Variants in ZNF570 observed in about 807,000 individuals in gnomAD.
The protein encoded by ZNF570 is zinc finger protein 570.
Under a neutral mutation model 14.2 loss-of-function variants are expected in ZNF570, and 8 were observed. That is an observed-to-expected ratio of 0.56 (90% CI 0.33 to 1.02). ZNF570 has a LOEUF of 1.02. Ranked by LOEUF, ZNF570 falls within the 50% of genes least tolerant of loss-of-function variation. The probability of loss-of-function intolerance (pLI) is 0.03; values close to 1 mark genes in which losing one functional copy is unlikely to be tolerated. For missense variants in ZNF570, 559 were observed against 624.9 expected (o/e 0.89, Z 1.12); for synonymous variants, 202 against 207.6 (o/e 0.97, Z 0.23).
chr19:37,481,556 A>G (rs1315628861), intron 4 of ZNF570, among the ~76,000 whole-genome samples: 1 of 152,110 alleles, frequency 6.6e-6, no homozygotes, highest in Admixed American at 6.5e-5. Flanking sequence ...CTTCCTTGCA[A>G]CTTTTAAGAA....
intron 1 of ZNF570, chr19:37,470,053 T>G: frequency 5.1e-6 from 2 of 390,648 alleles, no homozygotes; most frequent in South Asian, 9.7e-5. Context: ...TTCTGTGTCT[T>G]TATGTGAAAA....
At chr19:37,470,501 C>G (rs1568761658) in intron 2 of ZNF570, 114 bp downstream of exon 2, 1 of 892,228 alleles carries the variant, frequency 1.1e-6, no homozygotes, top group Non-Finnish European at 1.8e-6. Flanking sequence ...CCCTTATCAA[C>G]ACTCTCCATT....
upstream of ZNF570, among the ~76,000 whole-genome samples, chr19:37,468,311 A>T (rs2041886769): frequency 6.6e-6 from 1 of 151,392 alleles, no homozygotes; most frequent in Non-Finnish European, 1.5e-5. Context: ...CTGCTCTCGA[A>T]CTCCTGAGCT....
chr19:37,478,707 G>A (rs1378959927), intron 4 of ZNF570, among the ~76,000 whole-genome samples: 3 of 151,206 alleles, frequency 2.0e-5, no homozygotes, highest in African/African-American at 4.8e-5. Context: ...GTTTGCTAGA[G>A]TTTCATTGTG....
intron 4 of ZNF570, among the ~76,000 whole-genome samples, chr19:37,479,843 T>C (rs2042066553): frequency 6.6e-6 from 1 of 152,176 alleles, no homozygotes; most frequent in African/African-American, 2.4e-5. Flanking sequence ...AGTTTTTTCC[T>C]ACTCCTTTAT....
At chr19:37,476,585 A>G (rs2042026808) in intron 4 of ZNF570, 151 bp downstream of exon 4, 1 of 1,137,302 alleles carries the variant, frequency 8.8e-7, no homozygotes, top group Non-Finnish European at 1.2e-6. Context: ...GTTCTCCCAC[A>G]TTTGTTATTT....
chr19:37,470,339 C>G lies in ZNF570; in HGVS notation c.-16C>G. 2.5e-6 allele frequency: 4 copies of G among 1,613,974 alleles called. No individual in the cohort carries two copies. The highest frequency in any genetic ancestry group is 3.4e-6 in the Non-Finnish European group (4 of 1,179,934). On this transcript the variant is annotated 5_prime_UTR_variant, in exon 2 of 5. Coordinates refer to ENST00000330173, the MANE Select transcript of ZNF570 (RefSeq NM_144694.5). ...CCACTGCTATTTCCCAAGAGAAGAG[C>G]CAGGAGGAAGAAAGAATGGCTGTTG...
intron 4 of ZNF570, among the ~76,000 whole-genome samples, chr19:37,483,588 G>A (rs1468755286): frequency 2.6e-5 from 4 of 152,166 alleles, no homozygotes; most frequent in Non-Finnish European, 5.9e-5. Flanking sequence ...GACTGTTTCA[G>A]TGTCTATTTT....
rs2042158565 is a variant in ZNF570 at position 37,486,714 on chromosome 19, G to A, written c.*1481G>A. ...TAGCTTAGTAGTTGTTATGAAGTCAGGTAGTGGAACTATAACACTGACAGC... is the reference window on the plus strand; with the variant it reads ...TAGCTTAGTAGTTGTTATGAAGTCAAGTAGTGGAACTATAACACTGACAGC... On this transcript the variant is annotated 3_prime_UTR_variant, in exon 5 of 5. Coordinates refer to ENST00000330173, the MANE Select transcript of ZNF570 (RefSeq NM_144694.5). 6.6e-6 allele frequency: 1 copy of A among 152,308 alleles called. No individual in the cohort carries two copies. Among genetic ancestry groups the A allele is most frequent in the Admixed American group, 6.5e-5 (1 of 15,302 alleles). 9.4% of individuals were successfully genotyped at this position (152,308 alleles called of 1,614,324 possible). A position where few individuals can be genotyped will look rare whatever the true frequency, so the allele number is the denominator to read the frequency against.
upstream of ZNF570, chr19:37,468,040 A>AC (rs1237300658): frequency 1.3e-5 from 13 of 1,002,070 alleles, no homozygotes; most frequent in Admixed American, 2.8e-4. Flanking sequence ...GTCATCTCAG[A>AC]CTAGGTACTT....
rs1031851192 is a variant in ZNF570, at chr19:37,484,744, T to G, written c.1122T>G (p.Thr374=). The change falls in exon 5 of 5, where the codon ACT becomes ACG. Residue 374 remains threonine (T), a synonymous_variant. Coordinates refer to ENST00000330173, the MANE Select transcript of ZNF570 (RefSeq NM_144694.5). ...CATTTAGCCTTCGTGCATACCTTACTGTACATCAGAGAATACATACTGGAG... is the reference window on the plus strand; with the variant it reads ...CATTTAGCCTTCGTGCATACCTTACGGTACATCAGAGAATACATACTGGAG... ...GKAFSLRAYL[T]VHQRIHTGER... is the part of the protein sequence containing the mutation. 4 of 1,614,052 alleles carry G rather than the reference T, an allele frequency of 2.5e-6. No individual in the cohort carries two copies. In the African/African-American group the frequency reaches 4.0e-5, roughly 16 times the overall value.
intron 2 of ZNF570, among the ~76,000 whole-genome samples, chr19:37,472,402 G>A (rs1409668074): frequency 6.6e-6 from 1 of 151,916 alleles, no homozygotes; most frequent in East Asian, 1.9e-4. Context: ...GGGGTGGGTG[G>A]AAGTAATAGA....
upstream of ZNF570, chr19:37,467,858 TTTGA>T: frequency 1.3e-6 from 2 of 1,535,904 alleles, no homozygotes; most frequent in Non-Finnish European, 1.7e-6. Context: ...CTCGTGGCTG[TTTGA>T]TTCTGACCTT....
chr19:37,479,949 G>A (rs1041025303), intron 4 of ZNF570, among the ~76,000 whole-genome samples: 2 of 152,020 alleles, frequency 1.3e-5, no homozygotes, highest in Non-Finnish European at 2.9e-5. Flanking sequence ...CCAAATGATG[G>A]TGGTGGTCAG....
intron 4 of ZNF570, among the ~76,000 whole-genome samples, chr19:37,482,845 CTT>C (rs2147021751): frequency 6.7e-6 from 1 of 149,416 alleles, no homozygotes; most frequent in African/African-American, 2.5e-5. Context: ...CTCTCTCTTT[CTT>C]TCTCTCTCTC....
At chr19:37,478,559 G>A (rs377389679) in intron 4 of ZNF570, among the ~76,000 whole-genome samples, 5 of 141,994 alleles carry the variant, frequency 3.5e-5, no homozygotes, top group South Asian at 4.4e-4. Flanking sequence ...TGCCTTTGTC[G>A]TATCTCCAGT....
At chr19:37,470,206 G>C (rs117716888) in intron 1 of ZNF570, 98 bp from the exon 2 acceptor site, 6 of 1,101,812 alleles carry the variant, frequency 5.4e-6, no homozygotes, top group Non-Finnish European at 8.0e-6. Context: ...TGGAGGGAAG[G>C]TTGCAAGAGG....
At chr19:37,478,794 A>G (rs12974525) in intron 4 of ZNF570, among the ~76,000 whole-genome samples, 9,903 of 151,292 alleles carry the variant, frequency 0.065, 766 homozygotes, top group Non-Finnish European at 0.094. Context: ...TTAGTTTTTC[A>G]CATCTTAATG....
At chr19:37,471,651 G>A (rs936567534) in intron 2 of ZNF570, among the ~76,000 whole-genome samples, 4 of 152,130 alleles carry the variant, frequency 2.6e-5, no homozygotes, top group African/African-American at 9.7e-5. Context: ...TCATTTGGTT[G>A]CATAAGAGAT....
Sources: gnomAD v4.1 joint callset for allele counts (sites outside exome capture counted in the v4.1 genomes callset) on GRCh38, gnomAD v4.1.1 for gene constraint, MANE v1.5 for transcripts, NCBI Gene and HGNC (gene_info 2026-07-23, HGNC 2026-07-21) for gene names.